The following GLYATL1 variants were observed in gnomAD, a reference collection of about 807,000 sequenced individuals.
GLYATL1 encodes the protein glycine N-acyltransferase-like protein 1.
In GLYATL1, 15 loss-of-function variants were observed where a neutral mutation model predicts 20.0. The observed-to-expected ratio is 0.75, with a 90% CI of 0.50 to 1.15. The LOEUF (loss-of-function observed/expected upper bound fraction) is 1.15. GLYATL1 is among the 50% of genes most tolerant of loss of function. The probability of loss-of-function intolerance (pLI) is 0.00; values close to 1 mark genes in which losing one functional copy is unlikely to be tolerated. For synonymous variants in GLYATL1, 151 were observed against 131.5 expected (o/e 1.15, Z -1.01); for missense variants, 380 against 368.5 (o/e 1.03, Z -0.26).
intron 4 of GLYATL1, among the ~76,000 whole-genome samples, chr11:58,951,636 G>T (rs772470345): frequency 6.6e-6 from 1 of 151,984 alleles, no homozygotes; most frequent in Non-Finnish European, 1.5e-5. Flanking sequence ...TTTTCATCAA[G>T]AAATATGGTC....
chr11:58,907,654 T>A, exon 2 of GLYATL1: 1 of 206,534 alleles, frequency 4.8e-6, no homozygotes, highest in Non-Finnish European at 1.0e-5. Context: ...TGGGTCATAT[T>A]TTTTCCACGT....
At chr11:58,946,871 T>A (rs1394111647) in intron 2 of GLYATL1, 175 bp from the exon 3 acceptor site, 1 of 638,258 alleles carries the variant, frequency 1.6e-6, no homozygotes, top group East Asian at 2.7e-5. Context: ...GACTCTGGCA[T>A]TTATCTCTAA....
chr11:58,943,134 TGA>T, intron 1 of GLYATL1: 1 of 804,150 alleles, frequency 1.2e-6, no homozygotes, highest in Non-Finnish European at 1.8e-6. Context: ...AATTACAGCC[TGA>T]GAAGGACTCT....
intron 4 of GLYATL1, 42 bp downstream of exon 4, chr11:58,948,007 C>T (rs1856704656): frequency 1.5e-6 from 2 of 1,359,416 alleles, no homozygotes; most frequent in African/African-American, 1.4e-5. Context: ...GGCAGGTCCA[C>T]AGGGCCTGAG....
At chr11:58,946,941 C>T in intron 2 of GLYATL1, 105 bp from the exon 3 acceptor site, 1 of 822,424 alleles carries the variant, frequency 1.2e-6, no homozygotes, top group Non-Finnish European at 2.1e-6. Flanking sequence ...GAATATGATA[C>T]TAACAGTACC....
chr11:58,947,934 A>G lies in GLYATL1; in HGVS notation c.155A>G (p.Tyr52Cys), dbSNP rs1196471454. ...GTGCTGGTGGATTCCTGGCCTGAAT[A>G]TCAGATGGTTATTATCCGGCCTCAA... ...MEVLVDSWPE[Y>C]QMVIIRPQKQ... The change falls in exon 4 of 7, where the codon TAT becomes TGT. Residue 52 changes from tyrosine to cysteine, a missense_variant. Coordinates refer to ENST00000532726, the MANE Select transcript of GLYATL1 (RefSeq NM_001389712.2). The G allele has an allele frequency of 1.2e-6, 2 of 1,613,750 alleles. No individual in the cohort carries two copies. Among genetic ancestry groups the G allele is most frequent in the Admixed American group, 1.7e-5 (1 of 59,998 alleles).
At chr11:58,925,720 T>C (rs900292356), upstream of GLYATL1, among the ~76,000 whole-genome samples, 3 of 152,258 alleles carry the variant, frequency 2.0e-5, no homozygotes, top group Non-Finnish European at 2.9e-5. Context: ...TTTAGCAAAG[T>C]GTTTTTCTAC....
downstream of GLYATL1, among the ~76,000 whole-genome samples, chr11:58,912,169 A>G (rs966693646): frequency 1.3e-5 from 2 of 152,048 alleles, no homozygotes; most frequent in Admixed American, 1.3e-4. Context: ...CATCTGGGAG[A>G]ATAGGCAAAC....
At chr11:58,951,692 A>G (rs1857009499) in intron 4 of GLYATL1, among the ~76,000 whole-genome samples, 1 of 152,066 alleles carries the variant, frequency 6.6e-6, no homozygotes, top group Non-Finnish European at 1.5e-5. Flanking sequence ...ATCTGGTAAA[A>G]TGTTAGTGTT....
chr11:58,953,498 T>C (rs529900785), intron 4 of GLYATL1, among the ~76,000 whole-genome samples: 2 of 152,074 alleles, frequency 1.3e-5, no homozygotes, highest in South Asian at 4.2e-4. Flanking sequence ...TTTTGCCATT[T>C]AAAAATGAAC....
At chr11:58,934,492 G>C (rs1855740344), upstream of GLYATL1, 1 of 152,666 alleles carries the variant, frequency 6.6e-6, no homozygotes, top group Admixed American at 6.5e-5. Context: ...ATTGTGGAAT[G>C]GCCTGGAGGC....
chr11:58,955,844 C>A lies in GLYATL1; in HGVS notation c.726C>A (p.Gly242=). ...AYSMEKYRRT[G]NMARVMVRYM... ...GCATGGAAAAATACCGAAGGACAGG[C>A]AACATGGCACGAGTGATGGTGCGAT... The change falls in exon 7 of 7, where the codon GGC becomes GGA. Residue 242 remains glycine (G), a synonymous_variant. Transcript: ENST00000532726. 6.2e-7 allele frequency: 1 copy of A among 1,614,170 alleles called. No homozygotes were observed. The highest frequency in any genetic ancestry group is 8.5e-7 in the Non-Finnish European group (1 of 1,180,030).
At chr11:58,946,883 A>C in intron 2 of GLYATL1, 163 bp from the exon 3 acceptor site, 1 of 656,238 alleles carries the variant, frequency 1.5e-6, no homozygotes, top group East Asian at 2.7e-5. Flanking sequence ...TATCTCTAAG[A>C]ACTTGAGAAA....
chr11:58,916,156 A>C (rs972655018), intron 1 of GLYATL1, among the ~76,000 whole-genome samples: 1 of 152,102 alleles, frequency 6.6e-6, no homozygotes, highest in African/African-American at 2.4e-5. Flanking sequence ...CTTTTTTGGA[A>C]TGGGGACTTT....
upstream of GLYATL1, chr11:58,935,779 TA>T (rs1426211080): frequency 6.6e-6 from 1 of 152,060 alleles, no homozygotes; most frequent in African/African-American, 2.4e-5. Context: ...ATAATAATAA[TA>T]AATAGAGCTG....
upstream of GLYATL1, among the ~76,000 whole-genome samples, chr11:58,936,695 AG>A (rs1965055728): frequency 6.6e-6 from 1 of 152,246 alleles, no homozygotes; most frequent in Non-Finnish European, 1.5e-5. Context: ...ATTGATTTGT[AG>A]TATAGCCAAA....
At chr11:58,929,529 T>C (rs1178054204) in intron 1 of GLYATL1, among the ~76,000 whole-genome samples, 2 of 152,216 alleles carry the variant, frequency 1.3e-5, no homozygotes, top group Non-Finnish European at 2.9e-5. Flanking sequence ...CCGTATATTA[T>C]AGAGCTAATT....
At chr11:58,912,950 C>T (rs907727705), downstream of GLYATL1, among the ~76,000 whole-genome samples, 1 of 152,206 alleles carries the variant, frequency 6.6e-6, no homozygotes, top group Non-Finnish European at 1.5e-5. Context: ...CCTGGGAGTG[C>T]TACTCTGGCT....
intron 1 of GLYATL1, among the ~76,000 whole-genome samples, chr11:58,930,448 T>C (rs944025469): frequency 1.9e-4 from 29 of 152,322 alleles, no homozygotes; most frequent in African/African-American, 6.5e-4. Flanking sequence ...CAAAGCATAT[T>C]CATGAAATAT....
Sources: allele counts gnomAD v4.1 joint callset (sites outside exome capture counted in the v4.1 genomes callset), GRCh38; gene constraint gnomAD v4.1.1; transcripts MANE v1.5; gene names NCBI Gene and HGNC (gene_info 2026-07-23, HGNC 2026-07-21).